Variants in MAP4K3 observed in about 807,000 individuals in gnomAD.
The protein encoded by MAP4K3 is MAPK/ERK kinase kinase kinase 3.
MAP4K3 carries 94 observed loss-of-function variants against 143.5 expected under a neutral mutation model. That is an observed-to-expected ratio of 0.65 (90% CI 0.55 to 0.78). The LOEUF (loss-of-function observed/expected upper bound fraction) is 0.78. Among genes scored for constraint, MAP4K3 ranks in the 30% least tolerant of loss-of-function variants. The pLI is 0.00. For synonymous variants in MAP4K3, 416 were observed against 347.2 expected (o/e 1.20, Z -2.20); for missense variants, 1,077 against 1,068.1 (o/e 1.01, Z -0.12).
At chr2:39,369,939 T>C (rs1026150545) in intron 2 of MAP4K3, among the ~76,000 whole-genome samples, 10 of 152,246 alleles carry the variant, frequency 6.6e-5, no homozygotes, top group Admixed American at 5.2e-4. Context: ...CTCTGCTCAA[T>C]GGGTTCTCCG....
At chr2:39,401,781 A>G (rs1427524320) in intron 1 of MAP4K3, among the ~76,000 whole-genome samples, 1 of 152,172 alleles carries the variant, frequency 6.6e-6, no homozygotes, top group Non-Finnish European at 1.5e-5. Flanking sequence ...GGCCTGGATG[A>G]CAGGAGTGTG....
intron 23 of MAP4K3, among the ~76,000 whole-genome samples, chr2:39,279,821 C>A (rs191795062): frequency 3.6e-4 from 55 of 152,230 alleles, no homozygotes; most frequent in African/African-American, 1.1e-3. Flanking sequence ...GGAATGGTGG[C>A]ATGTGCCTCC....
chr2:39,393,007 C>T (rs1349557629), intron 1 of MAP4K3, among the ~76,000 whole-genome samples: 1 of 152,196 alleles, frequency 6.6e-6, no homozygotes, highest in East Asian at 1.9e-4. Context: ...AGGTTAAGAA[C>T]CACTTCTCTA....
At chr2:39,358,940 C>G (rs1377704741) in intron 2 of MAP4K3, among the ~76,000 whole-genome samples, 1 of 152,156 alleles carries the variant, frequency 6.6e-6, no homozygotes, top group East Asian at 1.9e-4. Flanking sequence ...CATCATTCCA[C>G]TCCTGGCCCC....
intron 1 of MAP4K3, among the ~76,000 whole-genome samples, chr2:39,385,180 T>C (rs796604590): frequency 6.6e-5 from 10 of 152,288 alleles, no homozygotes; most frequent in African/African-American, 1.9e-4. Flanking sequence ...AACATTTGTA[T>C]ACAGGGTAGA....
At chr2:39,314,684 T>C (rs1263929608) in intron 13 of MAP4K3, among the ~76,000 whole-genome samples, 1 of 152,200 alleles carries the variant, frequency 6.6e-6, no homozygotes, top group African/African-American at 2.4e-5. Flanking sequence ...AGTTTATCAC[T>C]GATGAGTTGA....
chr2:39,312,492 A>G (rs970620430), intron 13 of MAP4K3, among the ~76,000 whole-genome samples: 1 of 152,220 alleles, frequency 6.6e-6, no homozygotes, highest in Non-Finnish European at 1.5e-5. Context: ...TCAACTTTGT[A>G]TGTAAATTTA....
intron 12 of MAP4K3, among the ~76,000 whole-genome samples, chr2:39,320,781 C>G (rs1683275356): frequency 6.6e-6 from 1 of 152,134 alleles, no homozygotes; most frequent in African/African-American, 2.4e-5. Context: ...TATTGCAATA[C>G]CCAATAGCTT....
intron 3 of MAP4K3, among the ~76,000 whole-genome samples, chr2:39,347,429 G>C (rs796811217): frequency 6.6e-6 from 1 of 152,146 alleles, no homozygotes; most frequent in Non-Finnish European, 1.5e-5. Flanking sequence ...AAGCAACTAG[G>C]ACTTCACACA....
intron 12 of MAP4K3, among the ~76,000 whole-genome samples, chr2:39,316,423 C>T (rs1435913372): frequency 1.3e-5 from 2 of 152,104 alleles, no homozygotes; most frequent in East Asian, 1.9e-4. Context: ...TCCAGGTATA[C>T]AGAGGCCATA....
In MAP4K3 at chr2:39,249,458, C is replaced by T. The variant is rs1391817723; in HGVS notation, c.*1160G>A. ...GCCAAAAGTGTGCATTTTGCTAAAA[C>T]CTGGTATATACATATTCCATTGGAA... is the stretch of plus-strand genomic sequence containing the variant. On this transcript the variant is annotated 3_prime_UTR_variant, in exon 34 of 34. Coordinates refer to ENST00000263881, the MANE Select transcript of MAP4K3 (RefSeq NM_003618.4). The T allele has an allele frequency of 6.6e-6, 1 of 152,452 alleles. No individual in the cohort carries two copies. Among genetic ancestry groups the T allele is most frequent in the Non-Finnish European group, 1.5e-5 (1 of 67,974 alleles). 9.4% of individuals were successfully genotyped at this position (152,452 alleles called of 1,614,324 possible).
intron 12 of MAP4K3, chr2:39,323,569 G>T (rs1474334517): frequency 1.3e-5 from 2 of 152,110 alleles, no homozygotes; most frequent in Non-Finnish European, 2.9e-5. Context: ...AATTGAAATT[G>T]CATAAAGTAT....
rs1666438786 is a variant in MAP4K3, at chr2:39,384,441, G to C, written c.97-6318C>G. Reference sequence around the variant, plus strand: ...TGTGCCTGTAATCCCAGCTACTCGAGAGGCTGGGACAGGAGAATCGCTTGA... The same window carrying C: ...TGTGCCTGTAATCCCAGCTACTCGACAGGCTGGGACAGGAGAATCGCTTGA... On this transcript the variant is annotated intron_variant, in intron 1 of 33. Transcript: ENST00000263881. Among the ~76,000 whole-genome samples the C allele has an allele frequency of 1.3e-5, 2 of 152,224 alleles. 1 individual carries two copies. The highest frequency in any genetic ancestry group is 1.3e-4 in the Admixed American group (2 of 15,284).
At chr2:39,278,375 T>TA (rs772481553) in intron 24 of MAP4K3, 32 bp downstream of exon 24, 21,909 of 1,059,410 alleles carry the variant, frequency 0.021, 13 homozygotes, top group African/African-American at 0.036. Flanking sequence ...ACTTAAAAAT[T>TA]AAAAAAAAAA....
chr2:39,321,665 C>T (rs948559282), intron 12 of MAP4K3, among the ~76,000 whole-genome samples: 3 of 152,126 alleles, frequency 2.0e-5, no homozygotes, highest in Admixed American at 1.3e-4. Flanking sequence ...GTCTCCTGCC[C>T]GTCCCTGGGC....
At chr2:39,398,713 A>AAATAATAATAATAAT (rs60507971) in intron 1 of MAP4K3, among the ~76,000 whole-genome samples, 177 of 140,418 alleles carry the variant, frequency 1.3e-3, no homozygotes, top group East Asian at 5.1e-3. Context: ...GGAATAATTA[A>AAATAATAATAATAAT]AATAATAATA....
chr2:39,373,623 C>T (rs527278036), intron 2 of MAP4K3, among the ~76,000 whole-genome samples: 1 of 152,292 alleles, frequency 6.6e-6, no homozygotes, highest in Non-Finnish European at 1.5e-5. Context: ...GAATGAGATC[C>T]TGCCATTTGC....
At chr2:39,310,937 C>A (rs1682918038) in intron 13 of MAP4K3, among the ~76,000 whole-genome samples, 1 of 152,092 alleles carries the variant, frequency 6.6e-6, no homozygotes, top group Admixed American at 6.5e-5. Flanking sequence ...CCAATAAAGT[C>A]TTAACCGCTA....
intron 2 of MAP4K3, among the ~76,000 whole-genome samples, chr2:39,358,789 T>A (rs115492965): frequency 2.6e-5 from 4 of 152,192 alleles, no homozygotes; most frequent in Non-Finnish European, 5.9e-5. Flanking sequence ...ATTATAAAGA[T>A]AGGCCTCCTA....
Sources: gnomAD v4.1 joint callset for allele counts (sites outside exome capture counted in the v4.1 genomes callset) on GRCh38, gnomAD v4.1.1 for gene constraint, MANE v1.5 for transcripts, NCBI Gene and HGNC (gene_info 2026-07-23, HGNC 2026-07-21) for gene names.